The following KCNMB2 variants were observed in gnomAD, a reference collection of about 807,000 sequenced individuals.
The protein encoded by KCNMB2 is potassium calcium-activated channel subfamily M regulatory beta subunit 2, also known as calcium-activated potassium channel subunit beta-2.
Under a neutral mutation model 24.5 loss-of-function variants are expected in KCNMB2, and 9 were observed. That is an observed-to-expected ratio of 0.37 (90% CI 0.22 to 0.64). The LOEUF is 0.64. KCNMB2 is among the 30% of genes least tolerant of loss of function. KCNMB2 has a pLI of 0.63. For synonymous variants in KCNMB2, 109 were observed against 104.4 expected (o/e 1.04, Z -0.27); for missense variants, 226 against 284.3 (o/e 0.79, Z 1.47).
chr3:178,711,151 G>C (rs751050251), intron 1 of KCNMB2, among the ~76,000 whole-genome samples: 6 of 152,202 alleles, frequency 3.9e-5, no homozygotes, highest in Non-Finnish European at 7.3e-5. Flanking sequence ...TTGAGAAAAA[G>C]TGATGAGAAA....
chr3:178,707,018 T>C (rs972012801), intron 1 of KCNMB2, among the ~76,000 whole-genome samples: 1 of 152,064 alleles, frequency 6.6e-6, no homozygotes, highest in Non-Finnish European at 1.5e-5. Context: ...TAAATATATA[T>C]ACATATACAG....
chr3:178,712,984 C>CCTA, intron 1 of KCNMB2, among the ~76,000 whole-genome samples: 1 of 152,280 alleles, frequency 6.6e-6, no homozygotes, highest in South Asian at 2.1e-4. Context: ...AAACAAGAAC[C>CCTA]CAGGTTTCTC....
In KCNMB2 at chr3:178,734,529, C is replaced by T. The variant is rs994628256; in HGVS notation, c.-67-72814C>T. On this transcript the variant is annotated intron_variant, in intron 1 of 4. Transcript: ENST00000452583. ...TAGTGATACTTGTAGAAAAAATTAG[C>T]TGCACAGCTTGTCTCTGCTTGAATG... Among the ~76,000 whole-genome samples, 3 of 152,314 alleles carry T rather than the reference C, an allele frequency of 2.0e-5. No homozygotes were observed. In the East Asian group the frequency reaches 5.8e-4, roughly 29 times the overall value.
At chr3:178,700,688 C>T (rs970215237) in intron 1 of KCNMB2, among the ~76,000 whole-genome samples, 2 of 152,112 alleles carry the variant, frequency 1.3e-5, no homozygotes, top group East Asian at 1.9e-4. Flanking sequence ...ACATATATTA[C>T]TCGTGACATA....
intron 1 of KCNMB2, among the ~76,000 whole-genome samples, chr3:178,767,340 G>A (rs185522910): frequency 1.8e-4 from 28 of 152,262 alleles, no homozygotes; most frequent in African/African-American, 5.1e-4. Context: ...TATTCCAGAA[G>A]CACTCAAAGC....
chr3:178,715,077 T>G (rs1722576055), intron 1 of KCNMB2, among the ~76,000 whole-genome samples: 1 of 152,234 alleles, frequency 6.6e-6, no homozygotes, highest in Non-Finnish European at 1.5e-5. Context: ...CTACTTTTTC[T>G]GTTTGAGGAT....
chr3:178,641,101 TTTACA>T (rs1479895795), intron 1 of KCNMB2, among the ~76,000 whole-genome samples: 1 of 152,196 alleles, frequency 6.6e-6, no homozygotes, highest in Non-Finnish European at 1.5e-5. Context: ...TTTCTTTAAC[TTTACA>T]TTAATTTTTG....
intron 1 of KCNMB2, among the ~76,000 whole-genome samples, chr3:178,772,857 C>T (rs1329918597): frequency 6.6e-6 from 1 of 152,154 alleles, no homozygotes; most frequent in Non-Finnish European, 1.5e-5. Flanking sequence ...ATTTAGTCCC[C>T]AATTATCACA....
At chr3:178,694,035 A>AC (rs951410805) in intron 1 of KCNMB2, among the ~76,000 whole-genome samples, 1 of 152,010 alleles carries the variant, frequency 6.6e-6, no homozygotes. Flanking sequence ...ATAAAGACAT[A>AC]CCCGACACTG....
chr3:178,615,116 C>A (rs1338319132), intron 1 of KCNMB2, among the ~76,000 whole-genome samples: 2 of 152,224 alleles, frequency 1.3e-5, no homozygotes, highest in African/African-American at 2.4e-5. Context: ...TTCTCCAAAG[C>A]AAACAGAGTC....
At chr3:178,780,234 C>G (rs1036012855) in intron 1 of KCNMB2, among the ~76,000 whole-genome samples, 52 of 152,212 alleles carry the variant, frequency 3.4e-4, no homozygotes, top group African/African-American at 1.2e-3. Flanking sequence ...GATAGATGCC[C>G]TGCTATCTAG....
chr3:178,578,550 G>A (rs1011188174), intron 1 of KCNMB2, among the ~76,000 whole-genome samples: 1 of 152,138 alleles, frequency 6.6e-6, no homozygotes, highest in Non-Finnish European at 1.5e-5. Flanking sequence ...AATGTAAACA[G>A]GCTAAATGCC....
intron 1 of KCNMB2, among the ~76,000 whole-genome samples, chr3:178,579,912 T>G (rs753431425): frequency 6.6e-6 from 1 of 152,136 alleles, no homozygotes; most frequent in Non-Finnish European, 1.5e-5. Flanking sequence ...CAGGACCAGA[T>G]GAATTCACAG....
At chr3:178,590,412 T>C (rs1232807091) in intron 1 of KCNMB2, among the ~76,000 whole-genome samples, 1 of 152,206 alleles carries the variant, frequency 6.6e-6, no homozygotes, top group Non-Finnish European at 1.5e-5. Context: ...TTTTCAAATT[T>C]CAAAAATTTT....
chr3:178,687,796 G>A (rs1157906871), intron 1 of KCNMB2, among the ~76,000 whole-genome samples: 2 of 151,482 alleles, frequency 1.3e-5, no homozygotes, highest in Non-Finnish European at 2.9e-5. Flanking sequence ...TTTGAGTAAA[G>A]GAAAAGAAAG....
At chr3:178,547,580 A>G (rs1385356291) in intron 1 of KCNMB2, among the ~76,000 whole-genome samples, 1 of 152,118 alleles carries the variant, frequency 6.6e-6, no homozygotes, top group East Asian at 1.9e-4. Context: ...GTATGTGTAC[A>G]TGTATATTCT....
intron 1 of KCNMB2, among the ~76,000 whole-genome samples, chr3:178,696,932 G>C (rs2108335327): frequency 6.6e-6 from 1 of 152,254 alleles, no homozygotes; most frequent in Non-Finnish European, 1.5e-5. Flanking sequence ...GAATTTCTTA[G>C]TCTTGATTTG....
chr3:178,840,937 T>A (rs1715405124), intron 4 of KCNMB2, among the ~76,000 whole-genome samples: 1 of 152,238 alleles, frequency 6.6e-6, no homozygotes, highest in Non-Finnish European at 1.5e-5. Flanking sequence ...AAAATGGGTT[T>A]TTCTTTTCTA....
chr3:178,589,033 T>C (rs982238538), intron 1 of KCNMB2, among the ~76,000 whole-genome samples: 1 of 152,236 alleles, frequency 6.6e-6, no homozygotes, highest in Non-Finnish European at 1.5e-5. Context: ...CACTAAATAC[T>C]TAGTAGGGTT....
Sources: gnomAD v4.1 joint callset for allele counts (sites outside exome capture counted in the v4.1 genomes callset) on GRCh38, gnomAD v4.1.1 for gene constraint, MANE v1.5 for transcripts, NCBI Gene and HGNC (gene_info 2026-07-23, HGNC 2026-07-21) for gene names.